GLCCI1: variants seen among roughly 807,000 people sequenced by gnomAD.
The protein encoded by GLCCI1 is glucocorticoid-induced transcript 1 protein.
In GLCCI1, 24 loss-of-function variants were observed where a neutral mutation model predicts 52.2. The observed-to-expected ratio is 0.46, with a 90% CI of 0.33 to 0.65. The LOEUF is 0.65. Ranked by LOEUF, GLCCI1 falls within the 30% of genes least tolerant of loss-of-function variation. GLCCI1 has a pLI of 0.02. For synonymous variants in GLCCI1, 310 were observed against 276.5 expected (o/e 1.12, Z -1.20); for missense variants, 704 against 701.5 (o/e 1.00, Z -0.04).
At chr7:8,069,035 G>A (rs565233740) in intron 5 of GLCCI1, among the ~76,000 whole-genome samples, 12 of 152,260 alleles carry the variant, frequency 7.9e-5, no homozygotes, top group African/African-American at 2.9e-4. Context: ...CTCCCTGTCA[G>A]TGCTCTGAAA....
At chr7:8,008,908 T>A (rs1277995390) in intron 2 of GLCCI1, among the ~76,000 whole-genome samples, 1 of 152,058 alleles carries the variant, frequency 6.6e-6, no homozygotes, top group Non-Finnish European at 1.5e-5. Context: ...GTTTTTTTTT[T>A]AACTGTTCTG....
chr7:8,065,478 T>C (rs1782612354), intron 5 of GLCCI1, among the ~76,000 whole-genome samples: 1 of 152,166 alleles, frequency 6.6e-6, no homozygotes, highest in Admixed American at 6.5e-5. Context: ...CTTGTTTCAT[T>C]ACAGTTTTCA....
At chr7:8,078,477 T>G (rs1782922148) in intron 6 of GLCCI1, 2 of 152,216 alleles carry the variant, frequency 1.3e-5, no homozygotes, top group South Asian at 2.1e-4. Context: ...TAATAAAAGT[T>G]TATATATTTC....
intron 3 of GLCCI1, among the ~76,000 whole-genome samples, chr7:8,048,840 C>T (rs889161440): frequency 6.6e-6 from 1 of 152,272 alleles, no homozygotes; most frequent in African/African-American, 2.4e-5. Context: ...CAGATGGATC[C>T]TGTACATACA....
At chr7:7,984,660 G>A (rs1780687100) in intron 1 of GLCCI1, among the ~76,000 whole-genome samples, 1 of 152,216 alleles carries the variant, frequency 6.6e-6, no homozygotes, top group South Asian at 2.1e-4. Flanking sequence ...ACACAAGGTT[G>A]AGGTTCATCT....
intron 5 of GLCCI1, among the ~76,000 whole-genome samples, chr7:8,062,072 T>C (rs1044925464): frequency 6.6e-6 from 1 of 152,226 alleles, no homozygotes; most frequent in Non-Finnish European, 1.5e-5. Context: ...ACATATTTGC[T>C]GATTCCTTAA....
rs747666296 is a variant in GLCCI1, at chr7:8,071,021, G to A, written c.1067G>A (p.Arg356His). 1.4e-5 allele frequency: 22 copies of A among 1,613,970 alleles called. No individual in the cohort carries two copies. In the East Asian group the frequency reaches 2.2e-4, roughly 16 times the overall value. ...IDTQTPSVQERSSSCSSHSPC... is the reference protein window; with the variant it reads ...IDTQTPSVQEHSSSCSSHSPC... ...ACTCAGACTCCTTCTGTCCAGGAGC[G>A]CAGCAGTAGCTGCAGCAGTCATTCA... The change falls in exon 6 of 8, where the codon CGC becomes CAC. Residue 356 changes from arginine (R) to histidine (H), a missense_variant. Transcript: ENST00000223145.
rs532636536 is a variant in GLCCI1 at position 8,015,757 on chromosome 7, C to G, written c.610-6726C>G. Among the ~76,000 whole-genome samples the G allele has an allele frequency of 6.6e-5, 10 of 152,352 alleles. No individual in the cohort carries two copies. The South Asian group carries it at 2.1e-3, about 32-fold the overall frequency. On this transcript the variant is annotated intron_variant, in intron 2 of 7. Coordinates refer to ENST00000223145, the MANE Select transcript of GLCCI1 (RefSeq NM_138426.4). ...TATTCATTAGTTTCAAATACCATCT[C>G]TAAAATTACCAAAGTCAAAATTCTA... is the stretch of plus-strand genomic sequence containing the variant.
At chr7:7,992,580 AGTATGTCCTTTCC>A (rs1226762182) in intron 1 of GLCCI1, among the ~76,000 whole-genome samples, 2 of 152,176 alleles carry the variant, frequency 1.3e-5, no homozygotes, top group Admixed American at 6.5e-5. Context: ...CCCAGATATA[AGTATGTCCTTTCC>A]GTATGTCCTT....
chr7:8,010,291 T>G (rs915759196), intron 2 of GLCCI1, among the ~76,000 whole-genome samples: 3 of 152,226 alleles, frequency 2.0e-5, no homozygotes, highest in Admixed American at 1.3e-4. Context: ...CCTTCTTGCT[T>G]CTTTCTTCTT....
chr7:7,972,788 G>GA (rs1486215027), intron 1 of GLCCI1, among the ~76,000 whole-genome samples: 3 of 151,734 alleles, frequency 2.0e-5, no homozygotes, highest in Non-Finnish European at 4.4e-5. Flanking sequence ...TACAACCCAG[G>GA]AAAAAATGAT....
Position 8,088,763 on chromosome 7 carries a change from TATTA to T in GLCCI1, c.*2229_*2232del, listed in dbSNP as rs752995935. The stretch of plus-strand genomic sequence containing the variant: ...TTTTATTTTCTCATGAGATACTAAA[TATTA>T]ATTGTGTTGTACATTTGTTCTTAGC... On this transcript the variant is annotated 3_prime_UTR_variant, in exon 8 of 8. Transcript: ENST00000223145. The T allele has an allele frequency of 7.4e-4, 113 of 152,796 alleles. No individual in the cohort carries two copies. Among genetic ancestry groups the T allele is most frequent in the South Asian group, 1.9e-3 (9 of 4,830 alleles). 9.5% of individuals were successfully genotyped at this position (152,796 alleles called of 1,614,324 possible). A position where few individuals can be genotyped will look rare whatever the true frequency, so the allele number is the denominator to read the frequency against.
Position 7,984,821 on chromosome 7 carries a change from A to G in GLCCI1, c.457+15014A>G, listed in dbSNP as rs114559580. Among the ~76,000 whole-genome samples the G allele has an allele frequency of 7.9e-3, 1,204 of 152,352 alleles. 14 individuals are homozygous for G. Among genetic ancestry groups the G allele is most frequent in the African/African-American group, 0.028 (1,149 of 41,574 alleles). ...ATTCCCTTTCTGTCTGAGTTTTACAATTCTGAGGAATGTGGTATTCAAATA... is the reference window on the plus strand; with the variant it reads ...ATTCCCTTTCTGTCTGAGTTTTACAGTTCTGAGGAATGTGGTATTCAAATA... On this transcript the variant is annotated intron_variant, in intron 1 of 7. Coordinates refer to ENST00000223145, the MANE Select transcript of GLCCI1 (RefSeq NM_138426.4).
At chr7:8,023,385 G>A (rs927482115) in intron 3 of GLCCI1, among the ~76,000 whole-genome samples, 3 of 151,946 alleles carry the variant, frequency 2.0e-5, no homozygotes, top group African/African-American at 7.3e-5. Flanking sequence ...TAGTTTCTAT[G>A]ACCCGTTTCC....
intron 1 of GLCCI1, chr7:7,981,224 A>G (rs1021858687): frequency 2.5e-5 from 7 of 279,542 alleles, no homozygotes; most frequent in Non-Finnish European, 4.8e-5. Flanking sequence ...GGAAGACAGG[A>G]GAAATCCTCT....
intron 1 of GLCCI1, among the ~76,000 whole-genome samples, chr7:7,995,532 A>G (rs1780921852): frequency 6.6e-6 from 1 of 152,222 alleles, no homozygotes; most frequent in African/African-American, 2.4e-5. Context: ...CTGGATTAAG[A>G]AAATGTGGCA....
intron 4 of GLCCI1, among the ~76,000 whole-genome samples, chr7:8,057,516 T>G (rs1433011784): frequency 1.3e-5 from 2 of 151,974 alleles, no homozygotes; most frequent in East Asian, 3.9e-4. Flanking sequence ...CGAAACAAAG[T>G]TTTAGGGATG....
At chr7:7,971,179 C>T (rs904343974) in intron 1 of GLCCI1, among the ~76,000 whole-genome samples, 4 of 152,136 alleles carry the variant, frequency 2.6e-5, no homozygotes, top group African/African-American at 7.2e-5. Flanking sequence ...GAGGAATATG[C>T]TCCTGCACTC....
rs966587331 is a variant in GLCCI1, at chr7:7,977,595, A to G, written c.457+7788A>G. On this transcript the variant is annotated intron_variant, in intron 1 of 7. Transcript: ENST00000223145. ...TCAGTTTTGACATTTGTCTTATGAC[A>G]AGCCACTAACTCTGCATCTTATCTT... Among the ~76,000 whole-genome samples, 9 of 152,194 alleles carry G rather than the reference A, an allele frequency of 5.9e-5. No individual in the cohort carries two copies. In the South Asian group the frequency reaches 8.3e-4, roughly 14 times the overall value.
Sources: gnomAD v4.1 joint callset for allele counts (sites outside exome capture counted in the v4.1 genomes callset) on GRCh38, gnomAD v4.1.1 for gene constraint, MANE v1.5 for transcripts, NCBI Gene and HGNC (gene_info 2026-07-23, HGNC 2026-07-21) for gene names.